Variants in MEOX2 observed in about 807,000 individuals in gnomAD.
MEOX2 encodes the protein homeobox protein MOX-2.
Under a neutral mutation model 27.0 loss-of-function variants are expected in MEOX2, and 11 were observed. That is an observed-to-expected ratio of 0.41 (90% confidence interval 0.26 to 0.68). The LOEUF is 0.68. Among genes scored for constraint, MEOX2 ranks in the 30% least tolerant of loss-of-function variants. The pLI, the probability that MEOX2 is intolerant of heterozygous loss-of-function variation, is 0.33. For synonymous variants in MEOX2, 189 were observed against 155.4 expected (o/e 1.22, Z -1.61); for missense variants, 436 against 385.4 (o/e 1.13, Z -1.10).
At chr7:15,632,771 C>G (rs1383719982) in intron 1 of MEOX2, among the ~76,000 whole-genome samples, 1 of 151,844 alleles carries the variant, frequency 6.6e-6, no homozygotes, top group African/African-American at 2.4e-5. Context: ...GTAGATTTTG[C>G]TACACATTTC....
intron 1 of MEOX2, among the ~76,000 whole-genome samples, chr7:15,674,944 C>G (rs764256673): frequency 6.6e-6 from 1 of 151,770 alleles, no homozygotes; most frequent in African/African-American, 2.4e-5. Context: ...TTTTCTAAAA[C>G]TGGGGATAAA....
Position 15,685,951 on chromosome 7 carries a change from C to A in MEOX2, c.452G>T (p.Arg151Leu), listed in dbSNP as rs748751582. The A allele has an allele frequency of 6.2e-6, 10 of 1,611,352 alleles. No individual in the cohort carries two copies. In the East Asian group the frequency reaches 1.6e-4, roughly 25 times the overall value. ...GAACAPGDYG[R>L]QALSPAEAEK... Reference sequence around the variant, plus strand: ...CGCCTCCGCAGGTGACAGTGCCTGGCGGCCGTAGTCCCCCGGCGCGCACGC... The same window carrying A: ...CGCCTCCGCAGGTGACAGTGCCTGGAGGCCGTAGTCCCCCGGCGCGCACGC... The change falls in exon 1 of 3, where the codon CGC (arginine) becomes CTC (leucine). Residue 151 changes from arginine to leucine, a missense_variant. Arg to Leu is a moderately radical substitution (Grantham distance 102). Transcript: ENST00000262041.
At chr7:15,646,140 C>T (rs1781646080) in intron 1 of MEOX2, among the ~76,000 whole-genome samples, 1 of 151,994 alleles carries the variant, frequency 6.6e-6, no homozygotes, top group Admixed American at 6.6e-5. Context: ...CTGTTCTAGT[C>T]CCTGTTTATT....
In MEOX2 at chr7:15,686,118, C is replaced by T. The variant is rs1348845046; in HGVS notation, c.285G>A (p.Pro95=). ...CCGCACTCGGTGGGGAAGACATCTG[C>T]GGGAGGTGCCAGTTGGTTTGCAGAG... ...HQALQTNWHL[P]QMSSPPSAAR... Residue 95 remains proline (P), a synonymous_variant, in exon 1 of 3, where the codon CCG becomes CCA. Coordinates refer to ENST00000262041, the MANE Select transcript of MEOX2 (RefSeq NM_005924.5). 2 of 1,581,144 alleles carry T rather than the reference C, an allele frequency of 1.3e-6. No homozygotes were observed.
chr7:15,679,197 G>A lies in MEOX2; in HGVS notation c.517+6689C>T, dbSNP rs188804419. On this transcript the variant is annotated intron_variant, in intron 1 of 2. Coordinates refer to ENST00000262041, the MANE Select transcript of MEOX2 (RefSeq NM_005924.5). The stretch of plus-strand genomic sequence containing the variant: ...GTAATGCATGCATATATATGTGTGG[G>A]TGTGAGTGTGCATATACCTATATAT... 3.7e-3 allele frequency: 558 copies of A among 152,108 alleles called. 3 individuals are homozygous for A. The highest frequency in any genetic ancestry group is 0.013 in the African/African-American group (535 of 41,494). 9.4% of individuals were successfully genotyped at this position (152,108 alleles called of 1,614,324 possible). A position where few individuals can be genotyped will look rare whatever the true frequency, so the allele number is the denominator to read the frequency against.
chr7:15,672,878 C>T (rs1000070240), intron 1 of MEOX2, among the ~76,000 whole-genome samples: 39 of 147,050 alleles, frequency 2.7e-4, no homozygotes, highest in Admixed American at 2.3e-3. Context: ...GGCAACAGAG[C>T]GAGATTCTGT....
chr7:15,686,058 T>A lies in MEOX2; in HGVS notation c.345A>T (p.Gly115=). 1 of 1,601,216 alleles carries A rather than the reference T, an allele frequency of 6.2e-7. No homozygotes were observed. The part of the protein sequence containing the change: ...RHSLCLQPDS[G]GPPELGSSPP... Reference sequence around the variant, plus strand: ...GGCTGCTCCCCAACTCTGGGGGCCCTCCAGAGTCGGGCTGGAGGCAGAGGC... The same window carrying A: ...GGCTGCTCCCCAACTCTGGGGGCCCACCAGAGTCGGGCTGGAGGCAGAGGC... The change falls in exon 1 of 3, where the codon GGA becomes GGT. Residue 115 remains glycine (G), a synonymous_variant. Transcript: ENST00000262041.
At chr7:15,638,747 CTGAGT>C (rs757742342) in intron 1 of MEOX2, among the ~76,000 whole-genome samples, 9 of 151,982 alleles carry the variant, frequency 5.9e-5, no homozygotes, top group East Asian at 1.9e-4. Context: ...TCATTTCTTT[CTGAGT>C]TATTTCACTT....
At chr7:15,641,837 GT>G (rs1295025500) in intron 1 of MEOX2, among the ~76,000 whole-genome samples, 3 of 151,828 alleles carry the variant, frequency 2.0e-5, no homozygotes, top group Non-Finnish European at 4.4e-5. Flanking sequence ...GTGTTTGCTT[GT>G]TTGAAAAAAA....
chr7:15,686,376 C>T lies in MEOX2; in HGVS notation c.27G>A (p.Leu9=). ...CTTGCGCCGTGGCGTGAGGGCTGCG[C>T]AGGCAGCCAAAGAGCGGGTGTTCCA... MEHPLFGC[L]RSPHATAQGL... Residue 9 remains leucine (L), a synonymous_variant, in exon 1 of 3, where the codon CTG becomes CTA. Coordinates refer to ENST00000262041, the MANE Select transcript of MEOX2 (RefSeq NM_005924.5). 3 of 1,583,036 alleles carry T rather than the reference C, an allele frequency of 1.9e-6. No individual in the cohort carries two copies. The highest frequency in any genetic ancestry group is 2.6e-6 in the Non-Finnish European group (3 of 1,163,962).
chr7:15,622,862 C>T (rs1312301449), intron 2 of MEOX2, among the ~76,000 whole-genome samples: 1 of 152,148 alleles, frequency 6.6e-6, no homozygotes, highest in African/African-American at 2.4e-5. Flanking sequence ...ACAGATCTAG[C>T]ATTACTCAGA....
chr7:15,624,304 T>C (rs1250303047), intron 2 of MEOX2, among the ~76,000 whole-genome samples: 3 of 152,204 alleles, frequency 2.0e-5, no homozygotes, highest in African/African-American at 7.2e-5. Context: ...AATAAAAATA[T>C]ATTGTGCACA....
At chr7:15,662,742 G>T (rs369077204) in intron 1 of MEOX2, among the ~76,000 whole-genome samples, 8 of 151,936 alleles carry the variant, frequency 5.3e-5, no homozygotes, top group Non-Finnish European at 1.2e-4. Flanking sequence ...CAGTGACTGG[G>T]AGTATTTTTG....
intron 2 of MEOX2, among the ~76,000 whole-genome samples, chr7:15,615,416 A>C (rs765165887): frequency 2.2e-5 from 2 of 89,074 alleles, no homozygotes; most frequent in Non-Finnish European, 4.8e-5. Context: ...TCCTATTTTT[A>C]AAGCATTTGT....
At chr7:15,625,534 T>C (rs2115359422) in intron 2 of MEOX2, among the ~76,000 whole-genome samples, 1 of 152,240 alleles carries the variant, frequency 6.6e-6, no homozygotes, top group African/African-American at 2.4e-5. Context: ...TTTAAGAAAT[T>C]GGATAAAATA....
chr7:15,660,940 G>A (rs748285804), intron 1 of MEOX2, among the ~76,000 whole-genome samples: 6 of 144,134 alleles, frequency 4.2e-5, no homozygotes, highest in Non-Finnish European at 9.1e-5. Flanking sequence ...TTGAACTCGG[G>A]AGGTGGATGT....
intron 1 of MEOX2, 83 bp downstream of exon 1, chr7:15,685,803 C>T: frequency 1.3e-6 from 2 of 1,491,782 alleles, no homozygotes; most frequent in Non-Finnish European, 1.8e-6. Context: ...CTGCCACCCT[C>T]CAGTGCGAGA....
intron 1 of MEOX2, among the ~76,000 whole-genome samples, chr7:15,651,451 T>A (rs1781731612): frequency 6.6e-6 from 1 of 152,032 alleles, no homozygotes; most frequent in Admixed American, 6.6e-5. Flanking sequence ...AAAGAAATTA[T>A]TTTAGAATAT....
rs150916183 is a variant in MEOX2 at position 15,618,555 on chromosome 7, T to C, written c.691-5944A>G. On this transcript the variant is annotated intron_variant, in intron 2 of 2. Transcript: ENST00000262041. ...AACATAATACCATCAATATTTTGGCTAACAGCTTCTAAGTATAACTTATCG... is the reference window on the plus strand; with the variant it reads ...AACATAATACCATCAATATTTTGGCCAACAGCTTCTAAGTATAACTTATCG... Among the ~76,000 whole-genome samples, 16 of 152,098 alleles carry C rather than the reference T, an allele frequency of 1.1e-4. No individual in the cohort carries two copies. The East Asian group carries it at 2.7e-3, about 26-fold the overall frequency.
Sources: gnomAD v4.1 joint callset for allele counts (sites outside exome capture counted in the v4.1 genomes callset) on GRCh38, gnomAD v4.1.1 for gene constraint, MANE v1.5 for transcripts, NCBI Gene and HGNC (gene_info 2026-07-23, HGNC 2026-07-21) for gene names.